Variants in TMOD1 observed in about 807,000 individuals in gnomAD.
TMOD1 encodes tropomodulin-1.
A neutral mutation model predicts 40.6 loss-of-function variants in TMOD1; 17 were observed. The observed-to-expected ratio is 0.42, with a 90% CI of 0.29 to 0.63. The LOEUF is 0.63. Among genes scored for constraint, TMOD1 ranks in the 20% least tolerant of loss-of-function variants. The pLI, the probability that TMOD1 is intolerant of heterozygous loss-of-function variation, is 0.22. For synonymous variants in TMOD1, 181 were observed against 175.0 expected, an observed-to-expected ratio of 1.03 and a Z score of -0.27; for missense variants, 391 against 447.6, an observed-to-expected ratio of 0.87 and a Z score of 1.14.
At position 97,568,983 on chromosome 9, in the gene TMOD1, G is replaced by A. The variant is rs762760017; in HGVS notation, c.816G>A (p.Leu272=). ...TTTCTGGAGCTGGGATTCTGCGCCT[G>A]GTAGAAGCCCTCCCATACAACACTT... ...NFISGAGILR[L]VEALPYNTSL... The change falls in exon 8 of 10, where the codon CTG becomes CTA. Residue 272 remains leucine (L), a synonymous_variant. Coordinates refer to ENST00000259365, the MANE Select transcript of TMOD1 (RefSeq NM_003275.4). 6.2e-6 allele frequency: 10 copies of A among 1,614,038 alleles called. No individual in the cohort carries two copies. The highest frequency in any genetic ancestry group is 2.2e-5 in the South Asian group (2 of 91,082).
intron 9 of TMOD1, among the ~76,000 whole-genome samples, chr9:97,594,497 G>A (rs1481610916): frequency 2.0e-5 from 3 of 152,198 alleles, no homozygotes; most frequent in African/African-American, 4.8e-5. Flanking sequence ...AGCAGGGAGC[G>A]CAGATTGGGA....
intron 5 of TMOD1, 106 bp from the exon 6 acceptor site, chr9:97,563,932 T>C: frequency 3.1e-6 from 3 of 981,446 alleles, no homozygotes; most frequent in Non-Finnish European, 4.3e-6. Flanking sequence ...TGTGCAGCCC[T>C]CACGTGCCCC....
At chr9:97,543,798 A>G (rs909990036) in intron 2 of TMOD1, among the ~76,000 whole-genome samples, 6 of 152,242 alleles carry the variant, frequency 3.9e-5, no homozygotes, top group Admixed American at 2.0e-4. Context: ...GTGGGCACAC[A>G]CAGCTAGCTA....
intron 1 of TMOD1, chr9:97,516,646 C>T (rs1251566247): frequency 6.6e-6 from 1 of 152,288 alleles, no homozygotes; most frequent in African/African-American, 2.4e-5. Context: ...CCACTGTACT[C>T]ACTGAGATCA....
At chr9:97,593,150 A>G (rs763190278) in intron 9 of TMOD1, among the ~76,000 whole-genome samples, 2 of 152,126 alleles carry the variant, frequency 1.3e-5, no homozygotes, top group Non-Finnish European at 2.9e-5. Context: ...CTTGGCTCCT[A>G]TCTCTGGGCT....
intron 8 of TMOD1, among the ~76,000 whole-genome samples, chr9:97,570,645 G>C (rs961676140): frequency 2.0e-5 from 3 of 152,098 alleles, no homozygotes; most frequent in Non-Finnish European, 2.9e-5. Flanking sequence ...CTAGCACCTT[G>C]GCTTCCCTTG....
intron 4 of TMOD1, among the ~76,000 whole-genome samples, chr9:97,561,566 A>G (rs1435874814): frequency 6.6e-6 from 1 of 152,234 alleles, no homozygotes; most frequent in East Asian, 1.9e-4. Flanking sequence ...TCCCTGGCCC[A>G]GAGCATGTGC....
intron 9 of TMOD1, among the ~76,000 whole-genome samples, chr9:97,597,450 G>A (rs1440562872): frequency 6.6e-6 from 1 of 152,148 alleles, no homozygotes; most frequent in Non-Finnish European, 1.5e-5. Context: ...TGTAATCCCA[G>A]CACTTTGGGA....
chr9:97,550,227 T>G (rs1205458814), intron 3 of TMOD1, among the ~76,000 whole-genome samples: 1 of 152,226 alleles, frequency 6.6e-6, no homozygotes, highest in East Asian at 1.9e-4. Flanking sequence ...CTTTATTCCT[T>G]TTTATACCTG....
intron 3 of TMOD1, among the ~76,000 whole-genome samples, chr9:97,547,824 A>G (rs1830389388): frequency 6.6e-6 from 1 of 152,128 alleles, no homozygotes; most frequent in Admixed American, 6.5e-5. Context: ...CTAGCCTGTA[A>G]ACTCCCTGAG....
intron 3 of TMOD1, among the ~76,000 whole-genome samples, chr9:97,550,903 T>C (rs2131252346): frequency 6.6e-6 from 1 of 151,300 alleles, no homozygotes; most frequent in South Asian, 2.1e-4. Flanking sequence ...TTTTTTCTTT[T>C]GTTGCTCGTG....
At chr9:97,585,923 T>G (rs1245844415) in intron 8 of TMOD1, among the ~76,000 whole-genome samples, 1 of 141,954 alleles carries the variant, frequency 7.0e-6, no homozygotes, top group African/African-American at 2.7e-5. Flanking sequence ...TTTTTCAAAA[T>G]TTTCAACTTC....
chr9:97,561,518 T>G (rs934389536), intron 4 of TMOD1, among the ~76,000 whole-genome samples: 4 of 152,196 alleles, frequency 2.6e-5, no homozygotes, highest in African/African-American at 4.8e-5. Flanking sequence ...GTGATTCCAG[T>G]GTGCAGCCAA....
At chr9:97,576,625 G>T (rs1038540861) in intron 8 of TMOD1, among the ~76,000 whole-genome samples, 3 of 143,338 alleles carry the variant, frequency 2.1e-5, no homozygotes, top group Non-Finnish European at 3.0e-5. Context: ...GGCCATGATG[G>T]TTACTTTTTT....
chr9:97,561,036 C>T (rs2131263426), intron 4 of TMOD1, among the ~76,000 whole-genome samples: 1 of 152,254 alleles, frequency 6.6e-6, no homozygotes, highest in Non-Finnish European at 1.5e-5. Flanking sequence ...TGAGGTGGGG[C>T]CAGCCCAGGG....
chr9:97,549,638 G>A (rs1307049618), intron 3 of TMOD1, among the ~76,000 whole-genome samples: 1 of 152,110 alleles, frequency 6.6e-6, no homozygotes, highest in Non-Finnish European at 1.5e-5. Flanking sequence ...TGCTGATAGA[G>A]GTAATTGATA....
At chr9:97,562,208 G>A (rs1462490927) in intron 4 of TMOD1, among the ~76,000 whole-genome samples, 1 of 152,196 alleles carries the variant, frequency 6.6e-6, no homozygotes, top group Non-Finnish European at 1.5e-5. Flanking sequence ...CATGCTGGGA[G>A]GTAGAGGGAA....
intron 1 of TMOD1, among the ~76,000 whole-genome samples, chr9:97,507,663 G>A (rs1004312636): frequency 2.6e-5 from 4 of 152,182 alleles, no homozygotes; most frequent in African/African-American, 9.6e-5. Flanking sequence ...AAGAGCACCC[G>A]ATACAGAGAA....
Position 97,502,023 on chromosome 9 carries a change from T to G in TMOD1, c.-49+220T>G, listed in dbSNP as rs1399550817. Among the ~76,000 whole-genome samples the G allele has an allele frequency of 6.6e-6, 1 of 151,580 alleles. No homozygotes were observed. Among genetic ancestry groups the G allele is most frequent in the African/African-American group, 2.4e-5 (1 of 41,202 alleles). On this transcript the variant is annotated intron_variant, in intron 1 of 9. Coordinates refer to ENST00000259365, the MANE Select transcript of TMOD1 (RefSeq NM_003275.4). This position sits in a 1 kb window ranked among gnomAD's most constrained non-coding sequence, Gnocchi z 6.1. ...CGAGCCCAGCGCTCCCGTCCCCGCCTCCCCGCGCGCGCAGCCCTGGCCAGG... is the reference window on the plus strand; with the variant it reads ...CGAGCCCAGCGCTCCCGTCCCCGCCGCCCCGCGCGCGCAGCCCTGGCCAGG...
Sources: allele counts gnomAD v4.1 joint callset (sites outside exome capture counted in the v4.1 genomes callset), GRCh38; gene constraint gnomAD v4.1.1; non-coding constraint Gnocchi (gnomAD v3.1); transcripts MANE v1.5; gene names NCBI Gene and HGNC (gene_info 2026-07-23, HGNC 2026-07-21).